TMEM132D: variants seen among roughly 807,000 people sequenced by gnomAD.
TMEM132D encodes mature OL transmembrane protein.
In TMEM132D, 21 loss-of-function variants were observed where a neutral mutation model predicts 62.3. That is an observed-to-expected ratio of 0.34 (90% CI 0.24 to 0.49). The LOEUF is 0.49. Ranked by LOEUF, TMEM132D falls within the 20% of genes least tolerant of loss-of-function variation. The pLI is 0.99. For missense variants in TMEM132D, 1,346 were observed against 1,402.8 expected, an observed-to-expected ratio of 0.96 and a Z score of 0.65; for synonymous variants, 621 against 575.6, an observed-to-expected ratio of 1.08 and a Z score of -1.13.
chr12:129,204,018 C>A (rs566018101), intron 5 of TMEM132D, among the ~76,000 whole-genome samples: 45 of 152,164 alleles, frequency 3.0e-4, no homozygotes, highest in African/African-American at 1.1e-3. Flanking sequence ...AAGAAAAGAG[C>A]CAAAAAACCC....
chr12:129,740,184 C>T (rs879016283), intron 1 of TMEM132D, among the ~76,000 whole-genome samples: 14 of 152,114 alleles, frequency 9.2e-5, no homozygotes, highest in African/African-American at 3.4e-4. Context: ...TGTAATCAGC[C>T]CCATCATCAA....
chr12:129,877,173 T>TAATAATTATATTATAA (rs59715068), intron 1 of TMEM132D, among the ~76,000 whole-genome samples: 4 of 148,432 alleles, frequency 2.7e-5, no homozygotes, highest in Admixed American at 1.3e-4. Flanking sequence ...AATATTATAT[T>TAATAATTATATTATAA]TATAATTATG....
chr12:129,583,367 C>T (rs1185928756), intron 2 of TMEM132D, among the ~76,000 whole-genome samples: 1 of 152,106 alleles, frequency 6.6e-6, no homozygotes, highest in Non-Finnish European at 1.5e-5. Context: ...TAAGGAATGA[C>T]AACATGAAGG....
At chr12:129,595,967 G>A (rs1053321780) in intron 2 of TMEM132D, among the ~76,000 whole-genome samples, 3 of 152,198 alleles carry the variant, frequency 2.0e-5, no homozygotes, top group Admixed American at 6.5e-5. Flanking sequence ...GGAAGAAGTT[G>A]GAAGCAGGTG....
chr12:129,748,122 G>A (rs1869876741), intron 1 of TMEM132D, among the ~76,000 whole-genome samples: 1 of 152,140 alleles, frequency 6.6e-6, no homozygotes, highest in South Asian at 2.1e-4. Flanking sequence ...TTTAGACAGT[G>A]GTAAGCACTG....
In TMEM132D at chr12:129,593,612, T is replaced by C. The variant is rs143638005; in HGVS notation, c.969-62407A>G. On this transcript the variant is annotated intron_variant, in intron 2 of 8. Coordinates refer to ENST00000422113, the MANE Select transcript of TMEM132D (RefSeq NM_133448.3). ...TGACAAACCCTGAAATATTGCACTT[T>C]TGGCTTTTGGGAAAGACCGGTAATT... 2.6e-5 allele frequency among the ~76,000 whole-genome samples: 4 copies of C among 152,298 alleles called. No individual in the cohort carries two copies. The East Asian group carries it at 7.7e-4, about 29-fold the overall frequency.
chr12:129,222,348 A>G (rs10773617), intron 4 of TMEM132D, among the ~76,000 whole-genome samples: 49,514 of 152,110 alleles, frequency 0.33, 8,305 homozygotes, highest in Middle Eastern at 0.43. Flanking sequence ...GTCCAAAAGC[A>G]TTTACAATGA....
chr12:129,701,556 G>A (rs1043189140), intron 1 of TMEM132D, among the ~76,000 whole-genome samples: 3 of 152,136 alleles, frequency 2.0e-5, no homozygotes, highest in African/African-American at 7.2e-5. Context: ...CGTCACCAAC[G>A]AACAAAATCC....
At chr12:129,315,558 AAGGATTTT>A (rs1388867687) in intron 4 of TMEM132D, among the ~76,000 whole-genome samples, 1 of 152,060 alleles carries the variant, frequency 6.6e-6, no homozygotes, top group African/African-American at 2.4e-5. Flanking sequence ...GTATTTTGTT[AAGGATTTT>A]AGCATCTATC....
chr12:129,536,874 C>T (rs936541134), intron 2 of TMEM132D, among the ~76,000 whole-genome samples: 17 of 152,052 alleles, frequency 1.1e-4, no homozygotes, highest in Non-Finnish European at 1.5e-4. Flanking sequence ...TTTTCATATG[C>T]GGCCGGGCGC....
chr12:129,123,867 C>A (rs553602047), intron 5 of TMEM132D, among the ~76,000 whole-genome samples: 1 of 152,142 alleles, frequency 6.6e-6, no homozygotes, highest in Non-Finnish European at 1.5e-5. Flanking sequence ...GATTCTCAGG[C>A]CTTTGGATTC....
intron 2 of TMEM132D, among the ~76,000 whole-genome samples, chr12:129,647,292 G>C (rs1353870781): frequency 3.2e-5 from 4 of 124,074 alleles, no homozygotes; most frequent in Non-Finnish European, 6.5e-5. Flanking sequence ...TGCAGCTCTA[G>C]TTTATTTATT....
chr12:129,678,070 C>T (rs1337673394), intron 2 of TMEM132D, among the ~76,000 whole-genome samples: 1 of 151,874 alleles, frequency 6.6e-6, no homozygotes, highest in Non-Finnish European at 1.5e-5. Context: ...TATCCAGTAC[C>T]TTCTCAATGG....
intron 1 of TMEM132D, among the ~76,000 whole-genome samples, chr12:129,832,537 C>T (rs1016480752): frequency 1.3e-5 from 2 of 152,126 alleles, no homozygotes; most frequent in Non-Finnish European, 2.9e-5. Context: ...CTCGCAGCTT[C>T]CCCCATAGGT....
At chr12:129,734,232 A>G (rs1869346124) in intron 1 of TMEM132D, among the ~76,000 whole-genome samples, 1 of 152,194 alleles carries the variant, frequency 6.6e-6, no homozygotes, top group Non-Finnish European at 1.5e-5. Context: ...TAAGGAAAGT[A>G]TAAGATGTCA....
intron 3 of TMEM132D, among the ~76,000 whole-genome samples, chr12:129,365,718 A>G (rs930737716): frequency 6.6e-6 from 1 of 152,112 alleles, no homozygotes; most frequent in African/African-American, 2.4e-5. Flanking sequence ...AGGTCTTTCT[A>G]CCTTACCTCA....
At chr12:129,581,920 A>G (rs1490317742) in intron 2 of TMEM132D, among the ~76,000 whole-genome samples, 4 of 152,214 alleles carry the variant, frequency 2.6e-5, no homozygotes, top group African/African-American at 9.6e-5. Flanking sequence ...GAGACAGTCA[A>G]AAACAGACTT....
chr12:129,080,728 A>C (rs556683134), intron 7 of TMEM132D, among the ~76,000 whole-genome samples: 1 of 152,348 alleles, frequency 6.6e-6, no homozygotes, highest in Admixed American at 6.5e-5. Flanking sequence ...AACAAGGCAG[A>C]CACGCAATAT....
intron 2 of TMEM132D, among the ~76,000 whole-genome samples, chr12:129,552,561 T>G (rs945661827): frequency 5.0e-4 from 66 of 131,240 alleles, no homozygotes; most frequent in Admixed American, 1.2e-3. Context: ...TATCGATCGA[T>G]CTATCATCTA....
Sources: gnomAD v4.1 joint callset for allele counts (sites outside exome capture counted in the v4.1 genomes callset) on GRCh38, gnomAD v4.1.1 for gene constraint, MANE v1.5 for transcripts, NCBI Gene and HGNC (gene_info 2026-07-23, HGNC 2026-07-21) for gene names.